Variants in DAPK2 observed in about 807,000 individuals in gnomAD.
DAPK2 encodes the protein death associated protein kinase 2, also known as death-associated protein kinase 2.
A neutral mutation model predicts 44.1 loss-of-function variants in DAPK2; 35 were observed. The observed-to-expected ratio is 0.79, with a 90% CI of 0.61 to 1.05. The LOEUF is 1.05. Among genes scored for constraint, DAPK2 ranks in the 50% least tolerant of loss-of-function variants. The probability of loss-of-function intolerance (pLI) is 0.00; values close to 1 mark genes in which losing one functional copy is unlikely to be tolerated. For missense variants in DAPK2, 453 were observed against 483.2 expected (o/e 0.94, Z 0.59); for synonymous variants, 174 against 182.6 (o/e 0.95, Z 0.38).
At chr15:64,006,459 C>T (rs1300331054) in intron 1 of DAPK2, among the ~76,000 whole-genome samples, 3 of 152,086 alleles carry the variant, frequency 2.0e-5, no homozygotes, top group Non-Finnish European at 2.9e-5. Flanking sequence ...CAGCTAAGGA[C>T]GTACAACATC....
chr15:63,982,406 G>A lies in DAPK2; in HGVS notation c.314+1127C>T, dbSNP rs190205114. ...GGGTTTCACCATGTTAGCCAGGCTG[G>A]TCTCAAACTCCGACCTTGTGATCTG... On this transcript the variant is annotated intron_variant, in intron 2 of 10. Coordinates refer to ENST00000261891, the Ensembl canonical transcript of DAPK2. 6.7e-4 allele frequency among the ~76,000 whole-genome samples: 102 copies of A among 152,088 alleles called. 1 individual carries two copies. The East Asian group carries it at 0.011, about 17-fold the overall frequency.
chr15:63,971,270 C>T (rs2078204245), intron 3 of DAPK2, among the ~76,000 whole-genome samples, 153 bp downstream of exon 4: 4 of 152,284 alleles, frequency 2.6e-5, no homozygotes, highest in East Asian at 1.9e-4. Context: ...TGGACATTTC[C>T]GTGGCATCAT....
At chr15:64,002,948 GTGTGTGTGTGTGTGTGTC>G (rs1416698254) in intron 1 of DAPK2, among the ~76,000 whole-genome samples, 4 of 134,798 alleles carry the variant, frequency 3.0e-5, no homozygotes, top group African/African-American at 1.1e-4. Context: ...GTGTGTGTGT[GTGTGTGTGTGTGTGTGTC>G]GTGGGACCTG....
chr15:63,992,001 C>G (rs1170224869), intron 1 of DAPK2, among the ~76,000 whole-genome samples: 1 of 152,180 alleles, frequency 6.6e-6, no homozygotes, highest in East Asian at 1.9e-4. Flanking sequence ...TAACTTCCTT[C>G]CTCTAGACAT....
intron 1 of DAPK2, among the ~76,000 whole-genome samples, chr15:64,015,325 C>T (rs747258622): frequency 3.2e-4 from 48 of 152,190 alleles, no homozygotes; most frequent in Admixed American, 7.9e-4. Flanking sequence ...TCTGTGAGCT[C>T]TTTATATAAG....
exon 11 of DAPK2, chr15:63,907,425 CT>C (rs751101150): frequency 1.9e-3 from 270 of 144,766 alleles, no homozygotes; most frequent in Non-Finnish European, 1.8e-3. Flanking sequence ...TCTCTGGCAA[CT>C]TTTTTTTTTT....
chr15:63,929,585 A>T lies in DAPK2; in HGVS notation c.633-8T>A. ...GTGATGACGCCTATGCTCCTGCAAA[A>T]TAAAGAACAGTCAAGTCAGGGCCAC... On this transcript the variant is annotated splice_region_variant and splice_polypyrimidine_tract_variant and intron_variant, in intron 5 of 10. Coordinates refer to ENST00000261891, the Ensembl canonical transcript of DAPK2. The T allele has an allele frequency of 6.2e-7, 1 of 1,614,084 alleles. No individual in the cohort carries two copies. Among genetic ancestry groups the T allele is most frequent in the South Asian group, 1.1e-5 (1 of 91,084 alleles).
At chr15:63,938,517 C>T (rs2077222652) in intron 4 of DAPK2, among the ~76,000 whole-genome samples, 1 of 152,174 alleles carries the variant, frequency 6.6e-6, no homozygotes, top group African/African-American at 2.4e-5. Context: ...AGTTTTAGCA[C>T]CCAGATTTTG....
chr15:63,954,956 T>A (rs1368980807), intron 3 of DAPK2, among the ~76,000 whole-genome samples: 1 of 152,230 alleles, frequency 6.6e-6, no homozygotes, highest in African/African-American at 2.4e-5. Context: ...TTCAGATAGT[T>A]CGCTGTTGGC....
At chr15:64,016,838 GGGAAGGAAGGAA>G (rs56666247) in intron 1 of DAPK2, among the ~76,000 whole-genome samples, 42,266 of 117,792 alleles carry the variant, frequency 0.36, 7,885 homozygotes, top group Admixed American at 0.4. Flanking sequence ...GAAGGAAGGA[GGGAAGGAAGGAA>G]GGAAGGAAGG....
At chr15:64,008,392 T>C (rs1191227928) in intron 1 of DAPK2, among the ~76,000 whole-genome samples, 1 of 152,048 alleles carries the variant, frequency 6.6e-6, no homozygotes, top group Non-Finnish European at 1.5e-5. Flanking sequence ...ACTCACAGAG[T>C]TACAGTCACA....
intron 1 of DAPK2, among the ~76,000 whole-genome samples, chr15:64,036,340 T>TATATATATATATAC (rs2080208265): frequency 8.4e-6 from 1 of 119,750 alleles, no homozygotes; most frequent in African/African-American, 2.9e-5. Flanking sequence ...TATATATACA[T>TATATATATATATAC]ATATATATAT....
At position 63,999,413 on chromosome 15, in the gene DAPK2, C is replaced by T. The variant is rs182075251; in HGVS notation, c.93-15659G>A. Among the ~76,000 whole-genome samples the T allele has an allele frequency of 7.2e-5, 11 of 152,242 alleles. No homozygotes were observed. In the East Asian group the frequency reaches 1.9e-3, roughly 27 times the overall value. ...ACCACAGGGGAGAGGAAGATCATCT[C>T]CCCTCCCATCTCATAACTAAGGAAA... is the stretch of plus-strand genomic sequence containing the variant. On this transcript the variant is annotated intron_variant, in intron 1 of 10. Coordinates refer to ENST00000261891, the Ensembl canonical transcript of DAPK2.
intron 1 of DAPK2, among the ~76,000 whole-genome samples, chr15:63,994,891 GT>G (rs1000798238): frequency 1.3e-5 from 2 of 151,844 alleles, no homozygotes; most frequent in Admixed American, 6.6e-5. Context: ...TGCCTGGCCT[GT>G]TTTTTTCATT....
At chr15:63,911,912 T>A in exon 10 of DAPK2, 1 of 1,613,296 alleles carries the variant, frequency 6.2e-7, no homozygotes, top group South Asian at 1.1e-5. Context: ...ACCCACCAGG[T>A]CCTCATCCGG....
chr15:63,914,178 G>C (rs2078866323), intron 8 of DAPK2, among the ~76,000 whole-genome samples: 1 of 149,792 alleles, frequency 6.7e-6, no homozygotes, highest in African/African-American at 2.4e-5. Context: ...GGGCACAAAG[G>C]TTCCCCATGG....
chr15:64,024,976 G>A (rs1307217522), intron 1 of DAPK2, among the ~76,000 whole-genome samples: 1 of 152,142 alleles, frequency 6.6e-6, no homozygotes, highest in Admixed American at 6.5e-5. Flanking sequence ...GAGCAGGGAG[G>A]CAGTGCCAGC....
chr15:63,908,273 C>T lies in DAPK2; in HGVS notation c.*247G>A, dbSNP rs1596374802. On this transcript the variant is annotated 3_prime_UTR_variant, in exon 11 of 11. Transcript: ENST00000261891. This position sits in a 1 kb window ranked among gnomAD's most constrained non-coding sequence, Gnocchi z 5.7. ...CACCCCAGACTCTGAGGATGGCAGA[C>T]AGAGGAAAGCCCATTTTATGGAGAA... 2 of 358,476 alleles carry T rather than the reference C, an allele frequency of 5.6e-6. No homozygotes were observed. The highest frequency in any genetic ancestry group is 8.7e-5 in the East Asian group (2 of 22,916). 22.2% of individuals were successfully genotyped at this position (358,476 alleles called of 1,614,324 possible).
chr15:63,964,545 C>T (rs994911864), intron 3 of DAPK2, among the ~76,000 whole-genome samples: 2 of 152,032 alleles, frequency 1.3e-5, no homozygotes, highest in African/African-American at 2.4e-5. Context: ...AACTTTCTAC[C>T]TCTATCTCTC....
Sources: allele counts gnomAD v4.1 joint callset (sites outside exome capture counted in the v4.1 genomes callset), GRCh38; gene constraint gnomAD v4.1.1; non-coding constraint Gnocchi (gnomAD v3.1); transcripts MANE v1.5; gene names NCBI Gene and HGNC (gene_info 2026-07-23, HGNC 2026-07-21).